RBFOX1: variants seen among roughly 807,000 people sequenced by gnomAD.
The protein encoded by RBFOX1 is RNA binding fox-1 homolog 1, also known as RNA binding protein fox-1 homolog 1.
A neutral mutation model predicts 57.7 loss-of-function variants in RBFOX1; 8 were observed. The observed-to-expected ratio is 0.14, with a 90% CI of 0.08 to 0.25. The LOEUF (loss-of-function observed/expected upper bound fraction) is 0.25, where lower values mean the gene tolerates loss of function less well. Ranked by LOEUF, RBFOX1 falls within the 10% of genes least tolerant of loss-of-function variation. The probability of loss-of-function intolerance (pLI) is 1.00; values close to 1 mark genes in which losing one functional copy is unlikely to be tolerated. For synonymous variants in RBFOX1, 326 were observed against 222.4 expected, an observed-to-expected ratio of 1.47 and a Z score of -4.15; for missense variants, 611 against 548.5, an observed-to-expected ratio of 1.11 and a Z score of -1.14.
In RBFOX1 at chr16:6,505,849, T is replaced by C. The variant is rs1316273438; in HGVS notation, c.-63-148754T>C. The stretch of plus-strand genomic sequence containing the variant: ...AAATGTATCCAGGTCCTACTCAGTG[T>C]TGGGGTAAGGAGCTGGTGCCACTGT... On this transcript the variant is annotated intron_variant, in intron 2 of 15. Transcript: ENST00000550418. 2.6e-5 allele frequency among the ~76,000 whole-genome samples: 4 copies of C among 152,108 alleles called. No homozygotes were observed. In the East Asian group the frequency reaches 7.7e-4, roughly 29 times the overall value.
intron 1 of RBFOX1, among the ~76,000 whole-genome samples, chr16:6,024,725 C>T (rs1034019435): frequency 3.1e-4 from 47 of 152,314 alleles, no homozygotes; most frequent in African/African-American, 1.1e-3. Flanking sequence ...AAGTGATCCA[C>T]CCGCCTCCTC....
chr16:7,453,436 C>T (rs116626165), intron 4 of RBFOX1, among the ~76,000 whole-genome samples: 273 of 152,152 alleles, frequency 1.8e-3, no homozygotes, highest in African/African-American at 6.2e-3. Context: ...CGGCCATGAT[C>T]GGGAGTTATG....
chr16:6,827,739 G>A (rs1354652061), intron 3 of RBFOX1, among the ~76,000 whole-genome samples: 1 of 152,040 alleles, frequency 6.6e-6, no homozygotes, highest in Non-Finnish European at 1.5e-5. Flanking sequence ...TCCCCTACAT[G>A]GATCTCCGGT....
At chr16:7,284,297 G>A (rs1262498011) in intron 4 of RBFOX1, among the ~76,000 whole-genome samples, 1 of 152,156 alleles carries the variant, frequency 6.6e-6, no homozygotes, top group Non-Finnish European at 1.5e-5. Flanking sequence ...CCTAGGAGTG[G>A]TGTTGCTGGA....
At chr16:6,750,250 A>G (rs1211757731) in intron 3 of RBFOX1, among the ~76,000 whole-genome samples, 1 of 152,212 alleles carries the variant, frequency 6.6e-6, no homozygotes, top group Non-Finnish European at 1.5e-5. Flanking sequence ...AGGTAAATTC[A>G]TCAATAGCTG....
chr16:6,075,203 G>C (rs192943164), intron 1 of RBFOX1, among the ~76,000 whole-genome samples: 2 of 152,274 alleles, frequency 1.3e-5, no homozygotes, highest in Admixed American at 6.5e-5. Context: ...TTAACCAAAA[G>C]GTTGAAGTTA....
At chr16:6,839,105 C>T (rs1320071984) in intron 3 of RBFOX1, among the ~76,000 whole-genome samples, 1 of 150,824 alleles carries the variant, frequency 6.6e-6, no homozygotes, top group African/African-American at 2.4e-5. Flanking sequence ...CCGCCTCAGC[C>T]TCCCAAGTAG....
At chr16:6,315,077 C>T (rs773232158) in intron 1 of RBFOX1, among the ~76,000 whole-genome samples, 26 of 152,148 alleles carry the variant, frequency 1.7e-4, no homozygotes, top group Non-Finnish European at 2.4e-4. Flanking sequence ...TAAAAAGCAC[C>T]GACTTTGTGC....
intron 5 of RBFOX1, among the ~76,000 whole-genome samples, chr16:7,577,870 G>C (rs577022820): frequency 1.3e-5 from 2 of 152,216 alleles, no homozygotes; most frequent in Non-Finnish European, 2.9e-5. Flanking sequence ...ATTCCAGCCT[G>C]AGTGACAGAG....
chr16:7,349,269 C>T (rs1377983146), intron 4 of RBFOX1, among the ~76,000 whole-genome samples: 1 of 152,160 alleles, frequency 6.6e-6, no homozygotes, highest in Non-Finnish European at 1.5e-5. Flanking sequence ...GGGAGACCAA[C>T]CAGACTTGCC....
At chr16:6,756,977 AACAAACAG>A (rs57224106) in intron 3 of RBFOX1, among the ~76,000 whole-genome samples, 11,436 of 106,292 alleles carry the variant, frequency 0.11, 639 homozygotes, top group East Asian at 0.18. Context: ...CTCCATCTCA[AACAAACAG>A]ACAAACAAAC....
intron 3 of RBFOX1, among the ~76,000 whole-genome samples, chr16:6,708,973 A>G (rs1472562508): frequency 1.4e-5 from 2 of 139,364 alleles, no homozygotes; most frequent in East Asian, 3.0e-4. Context: ...AATTTCAGCA[A>G]GCTTTTCTTT....
chr16:6,275,061 T>G (rs1812721302), intron 1 of RBFOX1, among the ~76,000 whole-genome samples: 1 of 152,210 alleles, frequency 6.6e-6, no homozygotes, highest in African/African-American at 2.4e-5. Flanking sequence ...TCACATTGTC[T>G]GGTCACACCT....
intron 4 of RBFOX1, among the ~76,000 whole-genome samples, chr16:7,214,716 C>T (rs1221161153): frequency 2.6e-5 from 4 of 152,070 alleles, no homozygotes; most frequent in African/African-American, 9.7e-5. Flanking sequence ...GTATACTGCG[C>T]GATCTTTCTT....
intron 4 of RBFOX1, among the ~76,000 whole-genome samples, chr16:7,417,933 C>A (rs939179637): frequency 2.6e-5 from 4 of 152,068 alleles, no homozygotes; most frequent in African/African-American, 7.2e-5. Context: ...GGATTAGGTA[C>A]CCTGTTGGCC....
At chr16:6,462,728 C>T (rs2094949946) in intron 2 of RBFOX1, among the ~76,000 whole-genome samples, 1 of 143,596 alleles carries the variant, frequency 7.0e-6, no homozygotes, top group East Asian at 2.1e-4. Context: ...AAAATTGGAG[C>T]AATTTGAAGT....
chr16:7,044,131 T>C (rs746936366), intron 3 of RBFOX1, among the ~76,000 whole-genome samples: 2 of 152,104 alleles, frequency 1.3e-5, no homozygotes, highest in African/African-American at 2.4e-5. Context: ...CTTAGGACAG[T>C]GTCTGACATC....
intron 3 of RBFOX1, among the ~76,000 whole-genome samples, chr16:6,972,920 T>C (rs2085909628): frequency 6.6e-6 from 1 of 152,150 alleles, no homozygotes; most frequent in African/African-American, 2.4e-5. Flanking sequence ...GGTCAGGAGT[T>C]CGAGGCCAAC....
At chr16:7,697,665 A>C (rs778227746) in intron 14 of RBFOX1, among the ~76,000 whole-genome samples, 26 of 152,170 alleles carry the variant, frequency 1.7e-4, no homozygotes, top group Admixed American at 3.9e-4. Context: ...TAGCTTGCCC[A>C]GTCACACTGG....
Sources: gnomAD v4.1 joint callset for allele counts (sites outside exome capture counted in the v4.1 genomes callset) on GRCh38, gnomAD v4.1.1 for gene constraint, MANE v1.5 for transcripts, NCBI Gene and HGNC (gene_info 2026-07-23, HGNC 2026-07-21) for gene names.